HMGB1: variants seen among roughly 807,000 people sequenced by gnomAD.
The protein encoded by HMGB1 is high mobility group box 1.
For missense variants in HMGB1, 79 were observed against 253.5 expected (o/e 0.31, Z 4.67); for synonymous variants, 81 against 84.0 (o/e 0.96, Z 0.19).
At chr13:30,615,418 CA>C (rs1179266005) in intron 1 of HMGB1, among the ~76,000 whole-genome samples, 2 of 152,080 alleles carry the variant, frequency 1.3e-5, no homozygotes, top group Admixed American at 6.6e-5. Context: ...TAACACATAC[CA>C]GGGGCCAAGG....
intron 1 of HMGB1, among the ~76,000 whole-genome samples, chr13:30,487,579 T>G (rs1171063861): frequency 6.6e-6 from 1 of 152,232 alleles, no homozygotes; most frequent in East Asian, 1.9e-4. Flanking sequence ...AGTATGTCTT[T>G]TCCTTGTAAG....
At chr13:30,473,592 TAGAC>T (rs113873346) in intron 1 of HMGB1, among the ~76,000 whole-genome samples, 6,586 of 152,224 alleles carry the variant, frequency 0.043, 216 homozygotes, top group African/African-American at 0.094. Flanking sequence ...ATCAAGGAGA[TAGAC>T]AGTAGCAAGC....
chr13:30,554,648 G>A, intron 1 of HMGB1: 1 of 771,924 alleles, frequency 1.3e-6, no homozygotes, highest in Non-Finnish European at 2.4e-6. Context: ...AAAACTGACA[G>A]GTGACCGATG....
rs1363942882 is a variant in HMGB1, at chr13:30,463,367, T to C, written c.151-15A>G. ...GCAGACATGGTCTACAAAATAATTA[T>C]TTGTAAGTTTAAGTTGTAACATTTA... On this transcript the variant is annotated splice_polypyrimidine_tract_variant and intron_variant, in intron 2 of 4. Transcript: ENST00000341423. The C allele has an allele frequency of 3.8e-6, 6 of 1,587,246 alleles. No homozygotes were observed. The highest frequency in any genetic ancestry group is 2.2e-5 in the East Asian group (1 of 44,764).
intron 1 of HMGB1, chr13:30,539,513 T>C (rs1228586222): frequency 4.0e-6 from 1 of 250,918 alleles, no homozygotes; most frequent in Non-Finnish European, 7.5e-6. Context: ...GAAGGAAAAA[T>C]ATATTTACTC....
chr13:30,603,717 C>G (rs1950425766), intron 1 of HMGB1, among the ~76,000 whole-genome samples: 1 of 152,188 alleles, frequency 6.6e-6, no homozygotes, highest in African/African-American at 2.4e-5. Context: ...GTTTAAGCCA[C>G]AAAGTCCTTT....
At chr13:30,554,740 C>G in intron 1 of HMGB1, 1 of 769,156 alleles carries the variant, frequency 1.3e-6, no homozygotes, top group South Asian at 1.3e-5. Context: ...AAGGCCACCA[C>G]AGCTCAGAAG....
At position 30,465,401 on chromosome 13, in the gene HMGB1, AGCCGCGCCGGCCCCGCCGCCCCG is replaced by A. The variant is rs1293427857; in HGVS notation, c.-15+372_-15+394del. On this transcript the variant is annotated intron_variant, in intron 1 of 4. Transcript: ENST00000341423. ...CGCTGCCCTCCCGCCGCCGCCGCCG[AGCCGCGCCGGCCCCGCCGCCCCG>A]GCCGCGCTCCGCGCACGCCGCCCGC... Among the ~76,000 whole-genome samples the A allele has an allele frequency of 3.1e-3, 420 of 134,134 alleles. 1 individual carries two copies. Among genetic ancestry groups the A allele is most frequent in the Middle Eastern group, 9.3e-3 (2 of 216 alleles). 88.0% of individuals were successfully genotyped at this position (134,134 alleles called of 152,430 possible).
chr13:30,539,754 T>TGGAG (rs972023609), intron 1 of HMGB1: 8 of 158,068 alleles, frequency 5.1e-5, no homozygotes, highest in African/African-American at 1.9e-4. Context: ...ACCACAGTGG[T>TGGAG]GGAGGATCAC....
At chr13:30,506,722 C>T (rs942506125) in intron 1 of HMGB1, among the ~76,000 whole-genome samples, 8 of 152,180 alleles carry the variant, frequency 5.3e-5, no homozygotes, top group Non-Finnish European at 5.9e-5. Flanking sequence ...CAAAGCCTCA[C>T]CTGCTTTAGG....
At chr13:30,566,686 C>A (rs958736806) in intron 1 of HMGB1, among the ~76,000 whole-genome samples, 2 of 152,142 alleles carry the variant, frequency 1.3e-5, no homozygotes, top group African/African-American at 4.8e-5. Flanking sequence ...GCATTTAATT[C>A]TCATCTCTTC....
chr13:30,589,240 G>A (rs58380705), intron 1 of HMGB1, among the ~76,000 whole-genome samples: 3 of 151,898 alleles, frequency 2.0e-5, no homozygotes, highest in Non-Finnish European at 4.4e-5. Context: ...CCCAACCTCA[G>A]GTGATCCACC....
intron 1 of HMGB1, among the ~76,000 whole-genome samples, chr13:30,555,515 GA>G (rs1253544803): frequency 6.6e-6 from 1 of 152,004 alleles, no homozygotes; most frequent in African/African-American, 2.4e-5. Flanking sequence ...AGTTTCCTGG[GA>G]TGGGTTCATG....
chr13:30,465,184 C>T, intron 1 of HMGB1: 2 of 942,300 alleles, frequency 2.1e-6, no homozygotes, highest in Non-Finnish European at 1.3e-6. Context: ...GCCGCTCCCC[C>T]CGCCGCCCGG....
At chr13:30,540,820 G>A (rs1381628161) in intron 1 of HMGB1, 1 of 152,114 alleles carries the variant, frequency 6.6e-6, no homozygotes. Flanking sequence ...CCGACCTCAG[G>A]TGATCCGCCT....
chr13:30,573,169 T>C (rs537326759), intron 1 of HMGB1, among the ~76,000 whole-genome samples: 62 of 152,190 alleles, frequency 4.1e-4, no homozygotes, highest in Non-Finnish European at 6.5e-4. Flanking sequence ...CAGACTCAAC[T>C]CATTACTCTG....
chr13:30,531,464 T>A (rs1888491064), intron 1 of HMGB1, among the ~76,000 whole-genome samples: 1 of 150,684 alleles, frequency 6.6e-6, no homozygotes, highest in Admixed American at 6.6e-5. Context: ...GGAACTCTCA[T>A]AACAACCACT....
chr13:30,513,894 C>T (rs558840380), intron 1 of HMGB1, among the ~76,000 whole-genome samples: 3 of 152,208 alleles, frequency 2.0e-5, no homozygotes, highest in Admixed American at 6.5e-5. Flanking sequence ...ATGCATCTAG[C>T]GAGTCACCAG....
chr13:30,548,851 A>G (rs915451473), intron 1 of HMGB1, among the ~76,000 whole-genome samples: 1 of 152,192 alleles, frequency 6.6e-6, no homozygotes, highest in South Asian at 2.1e-4. Flanking sequence ...GCTATCTTGG[A>G]AGTGCTGGTC....
Sources: gnomAD v4.1 joint callset for allele counts (sites outside exome capture counted in the v4.1 genomes callset) on GRCh38, gnomAD v4.1.1 for gene constraint, MANE v1.5 for transcripts, NCBI Gene and HGNC (gene_info 2026-07-23, HGNC 2026-07-21) for gene names.